PCDHGC5: variants seen among roughly 807,000 people sequenced by gnomAD.
PCDHGC5 encodes the protein protocadherin gamma subfamily C, 5, also known as protocadherin gamma-C5.
Under a neutral mutation model 59.0 loss-of-function variants are expected in PCDHGC5, and 25 were observed. The observed-to-expected ratio is 0.42, with a 90% CI of 0.31 to 0.59. The LOEUF (loss-of-function observed/expected upper bound fraction) is 0.59, where lower values mean the gene tolerates loss of function less well. Ranked by LOEUF, PCDHGC5 falls within the 20% of genes least tolerant of loss-of-function variation. The probability of loss-of-function intolerance (pLI) is 0.13; values close to 1 mark genes in which losing one functional copy is unlikely to be tolerated. For missense variants in PCDHGC5, 1,067 were observed against 1,206.4 expected (o/e 0.88, Z 1.71); for synonymous variants, 434 against 505.5 (o/e 0.86, Z 1.90).
rs1358954122 is a variant in PCDHGC5, at chr5:141,491,553, C to T, written c.2313C>T (p.Ser771=). Residue 771 remains serine (S), a synonymous_variant, in exon 1 of 4, where the codon AGC becomes AGT. Coordinates refer to ENST00000252087, the MANE Select transcript of PCDHGC5 (RefSeq NM_018929.3). This position sits in a 1 kb window ranked among gnomAD's most constrained non-coding sequence, Gnocchi z 6.9. ...CGCTGCGGCCCACAGACTCGCAGAG[C>T]CACTGCTACAGGACGTGCTTTTCAC... The part of the protein sequence containing the change: ...EVTLRPTDSQ[S]HCYRTCFSPA... The T allele has an allele frequency of 6.2e-7, 1 of 1,613,954 alleles. No homozygotes were observed.
chr5:141,511,062 C>T lies in PCDHGC5; in HGVS notation c.2724C>T (p.Tyr908=), dbSNP rs775583963. The change falls in exon 4 of 4, where the codon TAC becomes TAT. Residue 908 remains tyrosine, a synonymous_variant. Transcript: ENST00000252087. ...TGCCCGACTACCGCCAGAATGTCTACATCCCAGGCAGCAATGCCACACTGA... is the reference window on the plus strand; with the variant it reads ...TGCCCGACTACCGCCAGAATGTCTATATCCCAGGCAGCAATGCCACACTGA... ...QHVPDYRQNV[Y]IPGSNATLTN... The T allele has an allele frequency of 6.2e-7, 1 of 1,614,246 alleles. No homozygotes were observed. The highest frequency in any genetic ancestry group is 1.3e-5 in the African/African-American group (1 of 75,064).
intron 3 of PCDHGC5, 90 bp from the exon 4 acceptor site, chr5:141,510,857 A>G (rs1184962556): frequency 6.2e-7 from 1 of 1,605,538 alleles, no homozygotes; most frequent in Non-Finnish European, 8.5e-7. Flanking sequence ...AGGGTGCTGT[A>G]TAGGCATTCA....
intron 2 of PCDHGC5, among the ~76,000 whole-genome samples, chr5:141,501,057 C>T (rs185929124): frequency 9.7e-4 from 147 of 151,960 alleles, no homozygotes; most frequent in African/African-American, 3.4e-3. Context: ...TTAGTAGAGA[C>T]GGGGTTTCAC....
At position 141,493,512 on chromosome 5, in the gene PCDHGC5, C is replaced by A. The variant is rs1327850681; in HGVS notation, c.2461-1295C>A. The stretch of plus-strand genomic sequence containing the variant: ...CTGTGGCTCCTCATTTCTGAGCAGT[C>A]CCCGCAGCGCAAACTTGGCCAGTTA... On this transcript the variant is annotated intron_variant, in intron 1 of 3. Transcript: ENST00000252087. The surrounding 1 kb of genome is among the most constrained non-coding windows in gnomAD (Gnocchi z 4.3). Among the ~76,000 whole-genome samples the A allele has an allele frequency of 1.3e-5, 2 of 152,148 alleles. No individual in the cohort carries two copies. Among genetic ancestry groups the A allele is most frequent in the South Asian group, 4.1e-4 (2 of 4,824 alleles).
At chr5:141,510,814 C>T in intron 3 of PCDHGC5, 133 bp from the exon 4 acceptor site, 2 of 1,544,688 alleles carry the variant, frequency 1.3e-6, no homozygotes, top group East Asian at 4.6e-5. Context: ...TTGGTGACCC[C>T]TATATTCCCA....
chr5:141,506,398 A>T (rs902405970), intron 3 of PCDHGC5, among the ~76,000 whole-genome samples: 6 of 151,394 alleles, frequency 4.0e-5, no homozygotes, highest in Admixed American at 2.6e-4. Context: ...GTGAGCAGAA[A>T]ATCGCACCAC....
chr5:141,504,728 G>A (rs978910481), intron 2 of PCDHGC5, among the ~76,000 whole-genome samples: 5 of 151,522 alleles, frequency 3.3e-5, no homozygotes, highest in African/African-American at 9.7e-5. Context: ...TACTCTGAGG[G>A]CTTAGGAAGC....
Position 141,491,680 on chromosome 5 carries a change from A to G in PCDHGC5, c.2440A>G (p.Thr814Ala). The G allele has an allele frequency of 6.2e-7, 1 of 1,613,304 alleles. No individual in the cohort carries two copies. The highest frequency in any genetic ancestry group is 2.2e-5 in the East Asian group (1 of 44,820). ...TGACGCCATCCGGTCCCGCTCTAATACGCTGCGGGAGCGGAGCCAGGTGAG... is the reference window on the plus strand; with the variant it reads ...TGACGCCATCCGGTCCCGCTCTAATGCGCTGCGGGAGCGGAGCCAGGTGAG... ...EPDAIRSRSN[T>A]LRERSQQAPP... The change falls in exon 1 of 4, where the codon ACG becomes GCG. Residue 814 changes from threonine to alanine, a missense_variant. Physicochemically the swap from Thr to Ala is moderately conservative, Grantham distance 58. Transcript: ENST00000252087. The surrounding 1 kb of genome is among the most constrained non-coding windows in gnomAD (Gnocchi z 6.9).
At chr5:141,508,739 C>A (rs1344024245) in intron 3 of PCDHGC5, among the ~76,000 whole-genome samples, 1 of 152,156 alleles carries the variant, frequency 6.6e-6, no homozygotes, top group African/African-American at 2.4e-5. Context: ...ACACCCCCCA[C>A]CCCGCTCTTT....
intron 2 of PCDHGC5, among the ~76,000 whole-genome samples, chr5:141,504,238 G>A (rs1043662594): frequency 2.0e-5 from 3 of 152,228 alleles, no homozygotes; most frequent in African/African-American, 7.2e-5. Flanking sequence ...CTAAGAAGCA[G>A]AGAGTTCTTC....
rs1445450316 is a variant in PCDHGC5, at chr5:141,491,210, C to T, written c.1970C>T (p.Ser657Phe). Residue 657 changes from serine to phenylalanine, a missense_variant, in exon 1 of 4, where the codon TCC becomes TTC. Coordinates refer to ENST00000252087, the MANE Select transcript of PCDHGC5 (RefSeq NM_018929.3). The surrounding 1 kb of genome is among the most constrained non-coding windows in gnomAD (Gnocchi z 6.9). ...AGGGACAATGGTGACCCTTCACTCT[C>T]CTCCACAGCCACAGTGCTGCTGGTT... ...LVRDNGDPSL[S>F]STATVLLVLE... is the part of the protein sequence containing the mutation. The T allele has an allele frequency of 3.7e-6, 6 of 1,614,228 alleles. No homozygotes were observed. Among genetic ancestry groups the T allele is most frequent in the Non-Finnish European group, 3.4e-6 (4 of 1,180,032 alleles).
chr5:141,506,253 G>A (rs1332023284), intron 3 of PCDHGC5, among the ~76,000 whole-genome samples: 2 of 151,862 alleles, frequency 1.3e-5, no homozygotes, highest in Non-Finnish European at 2.9e-5. Flanking sequence ...GTTCGAAACC[G>A]GCCTGGCCAA....
intron 3 of PCDHGC5, among the ~76,000 whole-genome samples, chr5:141,507,500 A>G (rs2099861039): frequency 6.6e-6 from 1 of 152,206 alleles, no homozygotes; most frequent in Admixed American, 6.5e-5. Flanking sequence ...GAGCTGTCCC[A>G]GGTCTGGTGG....
At chr5:141,499,289 C>T in intron 2 of PCDHGC5, among the ~76,000 whole-genome samples, 1 of 152,212 alleles carries the variant, frequency 6.6e-6, no homozygotes, top group African/African-American at 2.4e-5. Context: ...GATGGCTCCA[C>T]ACTACCATCC....
intron 2 of PCDHGC5, among the ~76,000 whole-genome samples, chr5:141,499,689 CTT>C (rs545067566): frequency 7.5e-5 from 9 of 119,852 alleles, no homozygotes; most frequent in African/African-American, 9.3e-5. Flanking sequence ...TAACAGATGA[CTT>C]TTTTTTTTTT....
In PCDHGC5 at chr5:141,491,552, G is replaced by A. The variant is rs769927075; in HGVS notation, c.2312G>A (p.Ser771Asn). 1 of 1,614,008 alleles carries A rather than the reference G, an allele frequency of 6.2e-7. No individual in the cohort carries two copies. The highest frequency in any genetic ancestry group is 1.7e-5 in the Admixed American group (1 of 60,024). Residue 771 changes from serine to asparagine, a missense_variant, in exon 1 of 4, where the codon AGC (serine) becomes AAC (asparagine). Ser to Asn is a conservative substitution (Grantham distance 46, BLOSUM62 1). Coordinates refer to ENST00000252087, the MANE Select transcript of PCDHGC5 (RefSeq NM_018929.3). This position sits in a 1 kb window ranked among gnomAD's most constrained non-coding sequence, Gnocchi z 6.9. ...EVTLRPTDSQ[S>N]HCYRTCFSPA... Reference sequence around the variant, plus strand: ...ACGCTGCGGCCCACAGACTCGCAGAGCCACTGCTACAGGACGTGCTTTTCA... The same window carrying A: ...ACGCTGCGGCCCACAGACTCGCAGAACCACTGCTACAGGACGTGCTTTTCA...
Position 141,491,992 on chromosome 5 carries a change from T to G in PCDHGC5, c.2460+292T>G. ...GGCCTCCTTCGAGCTTCCGGTGAAT[T>G]TCGGGCGATTTCCGCGGGTGTCGGG... On this transcript the variant is annotated intron_variant, in intron 1 of 3. Transcript: ENST00000252087. This position sits in a 1 kb window ranked among gnomAD's most constrained non-coding sequence, Gnocchi z 6.9. The G allele has an allele frequency of 1.5e-6, 1 of 684,982 alleles. No homozygotes were observed. The highest frequency in any genetic ancestry group is 2.3e-6 in the Non-Finnish European group (1 of 443,370). The allele number at this position is 684,982 out of a possible 1,614,324, so 42.4% of individuals were successfully genotyped here.
intron 2 of PCDHGC5, among the ~76,000 whole-genome samples, chr5:141,502,238 T>A (rs2099813398): frequency 6.6e-6 from 1 of 152,204 alleles, no homozygotes; most frequent in Non-Finnish European, 1.5e-5. Flanking sequence ...TGTGTTCTTT[T>A]ATCCTTTTTT....
At chr5:141,503,916 C>T (rs1372491893) in intron 2 of PCDHGC5, among the ~76,000 whole-genome samples, 1 of 152,246 alleles carries the variant, frequency 6.6e-6, no homozygotes, top group African/African-American at 2.4e-5. Context: ...CAACGCAACA[C>T]ACACACAGAC....
Sources: allele counts gnomAD v4.1 joint callset (sites outside exome capture counted in the v4.1 genomes callset), GRCh38; gene constraint gnomAD v4.1.1; non-coding constraint Gnocchi (gnomAD v3.1); transcripts MANE v1.5; gene names NCBI Gene and HGNC (gene_info 2026-07-23, HGNC 2026-07-21).